The following SEPTIN9 variants were observed in gnomAD, a reference collection of about 807,000 sequenced individuals.
SEPTIN9 encodes septin-9.
SEPTIN9 carries 13 observed loss-of-function variants against 56.6 expected under a neutral mutation model. That is an observed-to-expected ratio of 0.23 (90% confidence interval 0.15 to 0.37). SEPTIN9 has a LOEUF of 0.37. SEPTIN9 is among the 10% of genes least tolerant of loss of function. SEPTIN9 has a pLI of 1.00. For synonymous variants in SEPTIN9, 332 were observed against 334.1 expected, an observed-to-expected ratio of 0.99 and a Z score of 0.07; for missense variants, 650 against 823.1, an observed-to-expected ratio of 0.79 and a Z score of 2.57.
chr17:77,475,853 A>AG lies in SEPTIN9; in HGVS notation c.722-6289dup, dbSNP rs1367479150. 1 of 1,613,382 alleles carries AG rather than the reference A, an allele frequency of 6.2e-7. No individual in the cohort carries two copies. The highest frequency in any genetic ancestry group is 2.2e-5 in the East Asian group (1 of 44,892). On this transcript the variant is annotated intron_variant, in intron 3 of 11. Transcript: ENST00000427177. The surrounding 1 kb of genome is among the most constrained non-coding windows in gnomAD (Gnocchi z 4.6). ...GGCTTCACAGGCCTCCGTGGGCAGGAGGAGGATGACCTTGCATTCTGCTTG... is the reference window on the plus strand; with the variant it reads ...GGCTTCACAGGCCTCCGTGGGCAGGAGGGAGGATGACCTTGCATTCTGCTTG...
At position 77,436,831 on chromosome 17, in the gene SEPTIN9, T is replaced by G. The variant is rs577016706; in HGVS notation, c.721+34128T>G. ...AAGGACACCCAGGAGAGGGCCAGGG[T>G]GCCTGTATTTGGGGCACAGCATAAA... On this transcript the variant is annotated intron_variant, in intron 3 of 11. Transcript: ENST00000427177. The surrounding 1 kb of genome is among the most constrained non-coding windows in gnomAD (Gnocchi z 4.4). Among the ~76,000 whole-genome samples the G allele has an allele frequency of 9.8e-5, 15 of 152,306 alleles. No individual in the cohort carries two copies. The South Asian group carries it at 2.3e-3, about 23-fold the overall frequency.
At chr17:77,459,962 C>T (rs1026188127) in intron 3 of SEPTIN9, among the ~76,000 whole-genome samples, 2 of 152,104 alleles carry the variant, frequency 1.3e-5, no homozygotes, top group Non-Finnish European at 2.9e-5. Flanking sequence ...AGGTGTGAGC[C>T]ACCTCACCCA....
chr17:77,308,704 C>CGA (rs1412112710), intron 2 of SEPTIN9, among the ~76,000 whole-genome samples: 1 of 152,256 alleles, frequency 6.6e-6, no homozygotes, highest in Non-Finnish European at 1.5e-5. Context: ...AAGCCTGCTT[C>CGA]TGATCCTGAG....
At chr17:77,479,807 C>T (rs1004507814) in intron 3 of SEPTIN9, among the ~76,000 whole-genome samples, 11 of 152,018 alleles carry the variant, frequency 7.2e-5, no homozygotes, top group Middle Eastern at 3.2e-3. Flanking sequence ...GGGGCTGGTC[C>T]CAGTCCCAGG....
intron 1 of SEPTIN9, chr17:77,288,150 AGG>A: frequency 9.4e-7 from 1 of 1,061,504 alleles, no homozygotes; most frequent in East Asian, 5.1e-5. Flanking sequence ...GTTTCAGAGA[AGG>A]GGTCCAGGCA....
chr17:77,466,354 CCTTGGGAGAAAT>C, intron 3 of SEPTIN9: 1 of 975,708 alleles, frequency 1.0e-6, no homozygotes, highest in Non-Finnish European at 1.2e-6. Flanking sequence ...CCCCTCCCAG[CCTTGGGAGAAAT>C]TACCATATGA....
Position 77,405,129 on chromosome 17 carries a change from T to C in SEPTIN9, c.721+2426T>C. The C allele has an allele frequency of 1.3e-6, 2 of 1,535,312 alleles. No homozygotes were observed. Among genetic ancestry groups the C allele is most frequent in the Non-Finnish European group, 1.7e-6 (2 of 1,146,628 alleles). ...GGATGCACAGGGACGTGGTCCTGGC[T>C]CTGGGGGACAGGTAGGGGGATGTCC... On this transcript the variant is annotated intron_variant, in intron 3 of 11. Coordinates refer to ENST00000427177, the MANE Select transcript of SEPTIN9 (RefSeq NM_001113491.2). This position sits in a 1 kb window ranked among gnomAD's most constrained non-coding sequence, Gnocchi z 5.8.
chr17:77,320,826 G>C (rs2032890428), intron 2 of SEPTIN9, among the ~76,000 whole-genome samples: 1 of 152,260 alleles, frequency 6.6e-6, no homozygotes, highest in African/African-American at 2.4e-5. Context: ...CTTCCTGGCA[G>C]TTGATTATAG....
At position 77,487,597 on chromosome 17, in the gene SEPTIN9, TC is replaced by T; in HGVS notation, c.1042+47del. The T allele has an allele frequency of 6.3e-7, 1 of 1,591,084 alleles. No individual in the cohort carries two copies. The highest frequency in any genetic ancestry group is 8.5e-7 in the Non-Finnish European group (1 of 1,173,320). On this transcript the variant is annotated intron_variant, in intron 5 of 11. Transcript: ENST00000427177. This position sits in a 1 kb window ranked among gnomAD's most constrained non-coding sequence, Gnocchi z 4.3. Reference sequence around the variant, plus strand: ...CTGGGGGTGCAGGACGCCCCTGCCTTCCTGGAGCACAGGGGTTGGGGGTCAA... The same window carrying T: ...CTGGGGGTGCAGGACGCCCCTGCCTTCTGGAGCACAGGGGTTGGGGGTCAA...
At chr17:77,348,686 G>A (rs2033966174) in intron 2 of SEPTIN9, among the ~76,000 whole-genome samples, 1 of 152,108 alleles carries the variant, frequency 6.6e-6, no homozygotes, top group South Asian at 2.1e-4. Context: ...GCTTTTCACA[G>A]TCTACTTAGA....
At position 77,435,140 on chromosome 17, in the gene SEPTIN9, C is replaced by T. The variant is rs767016427; in HGVS notation, c.721+32437C>T. 5.3e-5 allele frequency among the ~76,000 whole-genome samples: 8 copies of T among 152,164 alleles called. No individual in the cohort carries two copies. The highest frequency in any genetic ancestry group is 8.8e-5 in the Non-Finnish European group (6 of 68,030). On this transcript the variant is annotated intron_variant, in intron 3 of 11. Coordinates refer to ENST00000427177, the MANE Select transcript of SEPTIN9 (RefSeq NM_001113491.2). This position sits in a 1 kb window ranked among gnomAD's most constrained non-coding sequence, Gnocchi z 4.5. ...ATTCCCATTTCACCGATGAGGAACC[C>T]ACAGCCCAGAGATGTTAAGTAACCT...
intron 3 of SEPTIN9, among the ~76,000 whole-genome samples, chr17:77,423,801 G>T (rs1404488635): frequency 1.3e-5 from 2 of 152,230 alleles, no homozygotes; most frequent in Non-Finnish European, 2.9e-5. Flanking sequence ...TAAGAAAGTG[G>T]CAGGAGGTGG....
intron 1 of SEPTIN9, among the ~76,000 whole-genome samples, chr17:77,289,501 C>G (rs2031439302): frequency 6.7e-6 from 1 of 149,294 alleles, no homozygotes; most frequent in Non-Finnish European, 1.5e-5. Flanking sequence ...CTCCACCTCC[C>G]GGGTTCAAGC....
chr17:77,339,541 G>A (rs911204551), intron 2 of SEPTIN9, among the ~76,000 whole-genome samples: 1 of 149,376 alleles, frequency 6.7e-6, no homozygotes, highest in Non-Finnish European at 1.5e-5. Context: ...ATGGAGTCTC[G>A]CTGTGTCACC....
At chr17:77,314,253 T>G (rs1363010981) in intron 2 of SEPTIN9, among the ~76,000 whole-genome samples, 2 of 151,170 alleles carry the variant, frequency 1.3e-5, no homozygotes, top group Admixed American at 6.6e-5. Context: ...CTTGGCTCAC[T>G]GCAATCTCTG....
chr17:77,483,936 G>T (rs903264121), intron 4 of SEPTIN9: 3 of 152,340 alleles, frequency 2.0e-5, no homozygotes, highest in Non-Finnish European at 4.4e-5. Flanking sequence ...ACCTGCAGAG[G>T]TGCAGGCAAG....
chr17:77,312,058 C>T (rs775071378), intron 2 of SEPTIN9, among the ~76,000 whole-genome samples: 1 of 152,190 alleles, frequency 6.6e-6, no homozygotes, highest in East Asian at 1.9e-4. Flanking sequence ...CTCATCAACT[C>T]GCCCTCTGCA....
At chr17:77,339,998 G>A (rs1413352566) in intron 2 of SEPTIN9, among the ~76,000 whole-genome samples, 2 of 150,134 alleles carry the variant, frequency 1.3e-5, no homozygotes, top group African/African-American at 2.5e-5. Context: ...GCTAATTTTT[G>A]TATTTTTAAT....
At chr17:77,482,853 TGG>T (rs767168917) in intron 4 of SEPTIN9, 8 of 418,770 alleles carry the variant, frequency 1.9e-5, no homozygotes, top group African/African-American at 1.6e-4. Flanking sequence ...CAGCACGACC[TGG>T]GCAGGGTGAG....
Sources: allele counts gnomAD v4.1 joint callset (sites outside exome capture counted in the v4.1 genomes callset), GRCh38; gene constraint gnomAD v4.1.1; non-coding constraint Gnocchi (gnomAD v3.1); transcripts MANE v1.5; gene names NCBI Gene and HGNC (gene_info 2026-07-23, HGNC 2026-07-21).